The following USP24 variants were observed in gnomAD, a reference collection of about 807,000 sequenced individuals.
USP24 encodes ubiquitin specific peptidase 24, also known as ubiquitin carboxyl-terminal hydrolase 24.
In USP24, 97 loss-of-function variants were observed where a neutral mutation model predicts 361.6. The observed-to-expected ratio is 0.27, with a 90% confidence interval of 0.23 to 0.32. The LOEUF (loss-of-function observed/expected upper bound fraction) is 0.32, where lower values mean the gene tolerates loss of function less well. USP24 is among the 10% of genes least tolerant of loss of function. The pLI is 1.00. For synonymous variants in USP24, 1,098 were observed against 1,124.6 expected (o/e 0.98, Z 0.47); for missense variants, 2,353 against 3,165.6 (o/e 0.74, Z 6.16).
At chr1:55,145,326 T>C (rs1647000010) in intron 20 of USP24, among the ~76,000 whole-genome samples, 1 of 152,004 alleles carries the variant, frequency 6.6e-6, no homozygotes, top group Non-Finnish European at 1.5e-5. Context: ...TATAAAGCCA[T>C]AAAAAGGAAC....
intron 1 of USP24, among the ~76,000 whole-genome samples, chr1:55,191,720 G>C (rs1440977549): frequency 6.6e-6 from 1 of 151,972 alleles, no homozygotes; most frequent in Admixed American, 6.6e-5. Context: ...TCAAACTCCT[G>C]ACCTCGTGAT....
rs1011495619 is a variant in USP24, at chr1:55,075,339, TCTACTGTATCAGTCA to T, written c.7447+103_7447+117del. ...GGAGCCCAGTGGCCCTGACCAGACT[TCTACTGTATCAGTCA>T]CTGTAGATCCCACCGAGAGTAGCAG... On this transcript the variant is annotated intron_variant, in intron 63 of 67. Transcript: ENST00000294383. 162 of 973,834 alleles carry T rather than the reference TCTACTGTATCAGTCA, an allele frequency of 1.7e-4. No individual in the cohort carries two copies. In the African/African-American group the frequency reaches 2.4e-3, roughly 14 times the overall value. 60.3% of individuals were successfully genotyped at this position (973,834 alleles called of 1,614,324 possible). A position where few individuals can be genotyped will look rare whatever the true frequency, so the allele number is the denominator to read the frequency against.
intron 15 of USP24, 91 bp from the exon 16 acceptor site, chr1:55,154,008 G>T (rs1173865938): frequency 6.4e-7 from 1 of 1,560,112 alleles, no homozygotes; most frequent in Non-Finnish European, 8.7e-7. Flanking sequence ...AGAGCTTCCA[G>T]ATATGGCATT....
rs1026906429 is a variant in USP24, at chr1:55,101,708, A to C, written c.5026-5T>G. 1 of 1,597,460 alleles carries C rather than the reference A, an allele frequency of 6.3e-7. No individual in the cohort carries two copies. Among genetic ancestry groups the C allele is most frequent in the African/African-American group, 1.4e-5 (1 of 73,922 alleles). On this transcript the variant is annotated splice_polypyrimidine_tract_variant and splice_region_variant and intron_variant, in intron 42 of 67. Transcript: ENST00000294383. The stretch of plus-strand genomic sequence containing the variant: ...GCTATCCACTGGGGGAAGGTACTGG[A>C]AAAGAGAGGAATAGAAACAGCAGAG...
At chr1:55,133,640 T>C (rs200388045) in intron 30 of USP24, among the ~76,000 whole-genome samples, 1,335 of 11,440 alleles carry the variant, frequency 0.12, 7 homozygotes, top group Non-Finnish European at 0.24. Context: ...CTCTCTCTCT[T>C]TTTTTTTTTT....
rs200850930 is a variant in USP24, at chr1:55,075,519, A to G, written c.7385T>C (p.Ile2462Thr). The change falls in exon 63 of 68, where the codon ATT (isoleucine) becomes ACT (threonine). Residue 2462 changes from isoleucine to threonine, a missense_variant. Physicochemically the swap from Ile to Thr is moderately conservative, Grantham distance 89 (BLOSUM62 -1). Around this residue, in one of 8 missense-constraint regions of USP24, gnomAD observed 598 missense variants for 761.9 expected, o/e 0.78. Transcript: ENST00000294383. Reference sequence around the variant, plus strand: ...TCGCTCTACTTGTATAGGATCTTCAATAACCTGGGAAAGGAAGAAACAAAA... The same window carrying G: ...TCGCTCTACTTGTATAGGATCTTCAGTAACCTGGGAAAGGAAGAAACAAAA... ...TFQLLHEILV[I>T]EDPIQVERVK... The G allele has an allele frequency of 9.8e-5, 157 of 1,596,516 alleles. No individual in the cohort carries two copies. Among genetic ancestry groups the G allele is most frequent in the Non-Finnish European group, 1.3e-4 (152 of 1,172,432 alleles).
intron 1 of USP24, among the ~76,000 whole-genome samples, chr1:55,178,952 C>G (rs1425284659): frequency 6.6e-6 from 1 of 152,064 alleles, no homozygotes; most frequent in Non-Finnish European, 1.5e-5. Context: ...ATCAACAACC[C>G]TCCTGTCTTC....
intron 38 of USP24, among the ~76,000 whole-genome samples, chr1:55,113,302 G>A (rs919914496): frequency 2.0e-5 from 3 of 152,032 alleles, no homozygotes; most frequent in African/African-American, 7.2e-5. Context: ...TAAATTCCCA[G>A]ACACACACAC....
chr1:55,072,280 T>A, intron 66 of USP24, 37 bp downstream of exon 66: 1 of 1,576,086 alleles, frequency 6.3e-7, no homozygotes, highest in Non-Finnish European at 8.7e-7. Context: ...CCTCCATAAG[T>A]GATTTAGACC....
chr1:55,074,138 A>C (rs934810903), intron 63 of USP24, among the ~76,000 whole-genome samples: 31 of 151,878 alleles, frequency 2.0e-4, no homozygotes, highest in Admixed American at 2.0e-3. Context: ...ACCACAACAA[A>C]AAAAACATAC....
intron 38 of USP24, among the ~76,000 whole-genome samples, chr1:55,111,128 T>A (rs1266072224): frequency 6.6e-6 from 1 of 152,050 alleles, no homozygotes; most frequent in South Asian, 2.1e-4. Flanking sequence ...ATTATTACCA[T>A]ACTATTTTTT....
chr1:55,208,796 C>T (rs1644775788), intron 1 of USP24, among the ~76,000 whole-genome samples: 1 of 150,370 alleles, frequency 6.7e-6, no homozygotes, highest in African/African-American at 2.5e-5. Flanking sequence ...ATTAGCAGAG[C>T]GTGGTGGCAG....
chr1:55,154,343 G>T (rs1233496698), intron 14 of USP24, 28 bp downstream of exon 14: 2 of 1,558,014 alleles, frequency 1.3e-6, no homozygotes, highest in Non-Finnish European at 1.7e-6. Context: ...AGCATTTGTA[G>T]CTAGAAAAAT....
At chr1:55,142,225 A>G (rs1398756049) in intron 23 of USP24, among the ~76,000 whole-genome samples, 1 of 152,186 alleles carries the variant, frequency 6.6e-6, no homozygotes, top group Non-Finnish European at 1.5e-5. Flanking sequence ...TAAGGCTTTA[A>G]CCGTCATGCT....
chr1:55,211,661 T>C (rs1388910849), intron 1 of USP24, among the ~76,000 whole-genome samples: 1 of 152,188 alleles, frequency 6.6e-6, no homozygotes, highest in Non-Finnish European at 1.5e-5. Flanking sequence ...ATGAGAGGCT[T>C]GGACTAAGAC....
intron 58 of USP24, among the ~76,000 whole-genome samples, chr1:55,082,205 G>A (rs1273572494): frequency 6.6e-6 from 1 of 152,188 alleles, no homozygotes; most frequent in Admixed American, 6.5e-5. Context: ...GCAGAGCTGG[G>A]TCTGAATCCC....
intron 1 of USP24, among the ~76,000 whole-genome samples, chr1:55,181,467 T>C (rs1224135498): frequency 2.0e-5 from 3 of 152,218 alleles, no homozygotes; most frequent in Non-Finnish European, 4.4e-5. Flanking sequence ...CCAATTTCAC[T>C]TAAAGGAACC....
In USP24 at chr1:55,068,903, A is replaced by G; in HGVS notation, c.*142T>C. 1 of 840,620 alleles carries G rather than the reference A, an allele frequency of 1.2e-6. No homozygotes were observed. The highest frequency in any genetic ancestry group is 1.8e-6 in the Non-Finnish European group (1 of 542,822). 52.1% of individuals were successfully genotyped at this position (840,620 alleles called of 1,614,324 possible). A position where few individuals can be genotyped will look rare whatever the true frequency, so the allele number is the denominator to read the frequency against. On this transcript the variant is annotated 3_prime_UTR_variant, in exon 68 of 68. Coordinates refer to ENST00000294383, the MANE Select transcript of USP24 (RefSeq NM_015306.3). ...TAGTGGCTTAAAAATGCTTTCCTTG[A>G]GAAATACACGATCCGCCCAAGTCAC...
chr1:55,184,615 A>T (rs1644075114), intron 1 of USP24, among the ~76,000 whole-genome samples: 2 of 152,240 alleles, frequency 1.3e-5, no homozygotes, highest in Non-Finnish European at 2.9e-5. Context: ...TCTCCACCCA[A>T]TTACAGTAAA....
Sources: allele counts gnomAD v4.1 joint callset (sites outside exome capture counted in the v4.1 genomes callset), GRCh38; gene constraint gnomAD v4.1.1; regional missense constraint gnomAD v4.1.1; transcripts MANE v1.5; gene names NCBI Gene and HGNC (gene_info 2026-07-23, HGNC 2026-07-21).